The following LHX9 variants were observed in gnomAD, a reference collection of about 807,000 sequenced individuals.
LHX9 encodes LIM/homeobox protein Lhx9.
LHX9 carries 9 observed loss-of-function variants against 36.5 expected under a neutral mutation model. That is an observed-to-expected ratio of 0.25 (90% CI 0.15 to 0.43). The LOEUF (loss-of-function observed/expected upper bound fraction) is 0.43, where lower values mean the gene tolerates loss of function less well. Among genes scored for constraint, LHX9 ranks in the 20% least tolerant of loss-of-function variants. The pLI is 1.00. For missense variants in LHX9, 464 were observed against 526.4 expected (o/e 0.88, Z 1.16); for synonymous variants, 211 against 212.1 (o/e 0.99, Z 0.04).
chr1:197,922,251 A>C (rs1298015142), intron 3 of LHX9, among the ~76,000 whole-genome samples: 1 of 152,146 alleles, frequency 6.6e-6, no homozygotes, highest in Non-Finnish European at 1.5e-5. Context: ...CTAAGCCAGG[A>C]TATTCAACCA....
chr1:197,927,592 T>C lies in LHX9; in HGVS notation c.735T>C (p.Gly245=), dbSNP rs756176145. 10 of 1,613,898 alleles carry C rather than the reference T, an allele frequency of 6.2e-6. No individual in the cohort carries two copies. The Admixed American group carries it at 1.2e-4, about 19-fold the overall frequency. ...GTTTGTTCACTGTTACTGCAACAGGTTGTAATGAGAATGAGGCAGACCACT... is the reference window on the plus strand; with the variant it reads ...GTTTGTTCACTGTTACTGCAACAGGCTGTAATGAGAATGAGGCAGACCACT... The part of the protein sequence containing the change: ...LGVDIVNYNS[G]CNENEADHLD... Residue 245 remains glycine (G), a splice_region_variant and synonymous_variant, in exon 4 of 5, where the codon GGT becomes GGC. Transcript: ENST00000367387.
Position 197,921,594 on chromosome 1 carries a change from A to G in LHX9, c.668A>G (p.Gln223Arg). The part of the protein sequence containing the change: ...LPYFNGTGTV[Q>R]KGRPRKRKSP... ...TACTTCAACGGTACGGGCACCGTGC[A>G]GAAAGGGCGGCCCCGGAAGCGGAAG... The change falls in exon 3 of 5, where the codon CAG becomes CGG. Residue 223 changes from glutamine to arginine, a missense_variant. Gln to Arg is a conservative substitution (Grantham distance 43). Coordinates refer to ENST00000367387, the MANE Select transcript of LHX9 (RefSeq NM_020204.3). The surrounding 1 kb of genome is among the most constrained non-coding windows in gnomAD (Gnocchi z 4.6). The G allele has an allele frequency of 6.2e-7, 1 of 1,609,404 alleles. No homozygotes were observed. Among genetic ancestry groups the G allele is most frequent in the Non-Finnish European group, 8.5e-7 (1 of 1,179,012 alleles).
intron 3 of LHX9, among the ~76,000 whole-genome samples, chr1:197,926,113 T>A (rs965608270): frequency 2.6e-5 from 4 of 152,354 alleles, no homozygotes; most frequent in Non-Finnish European, 5.9e-5. Context: ...GCTGCCTTCT[T>A]GGGTGATGAC....
chr1:197,917,911 A>T lies in LHX9; in HGVS notation c.88A>T (p.Ile30Phe). 6.2e-7 allele frequency: 1 copy of T among 1,614,192 alleles called. No homozygotes were observed. Among genetic ancestry groups the T allele is most frequent in the South Asian group, 1.1e-5 (1 of 91,084 alleles). ...MLFHGISGGH[I>F]QGIMEEMERR... ...CTTTCACGGGATCTCCGGAGGCCAC[A>T]TCCAAGGCATCATGGAGGAGATGGA... Residue 30 changes from isoleucine (I) to phenylalanine (F), a missense_variant, in exon 1 of 5, where the codon ATC (isoleucine) becomes TTC (phenylalanine). This residue lies in a region of LHX9 where 119 missense variants were observed against 102.4 expected (regional missense o/e 1.16). Transcript: ENST00000367387.
Position 197,921,193 on chromosome 1 carries a change from A to G in LHX9, c.378-111A>G. On this transcript the variant is annotated intron_variant, in intron 2 of 4. Coordinates refer to ENST00000367387, the MANE Select transcript of LHX9 (RefSeq NM_020204.3). The surrounding 1 kb of genome is among the most constrained non-coding windows in gnomAD (Gnocchi z 4.6). ...ATGCCTACTCTCCTGTCCCCCTGGA[A>G]CCCTCCCAGGTCCCAGTCTCAGGCC... 2 of 767,286 alleles carry G rather than the reference A, an allele frequency of 2.6e-6. No individual in the cohort carries two copies. Among genetic ancestry groups the G allele is most frequent in the Non-Finnish European group, 4.2e-6 (2 of 481,684 alleles). The allele number at this position is 767,286 out of a possible 1,614,324, so 47.5% of individuals were successfully genotyped here. A position where few individuals can be genotyped will look rare whatever the true frequency, so the allele number is the denominator to read the frequency against.
chr1:197,919,437 A>G (rs188246064), intron 1 of LHX9, among the ~76,000 whole-genome samples: 6 of 152,348 alleles, frequency 3.9e-5, no homozygotes, highest in Admixed American at 1.3e-4. Context: ...ATATATCTCA[A>G]TCAAAACAAA....
upstream of LHX9, chr1:197,913,048 C>G (rs746398176): frequency 1.3e-4 from 21 of 157,820 alleles, no homozygotes; most frequent in Non-Finnish European, 2.8e-4. Context: ...TGCGCCTGAT[C>G]TCAGCGGACG....
intron 3 of LHX9, among the ~76,000 whole-genome samples, chr1:197,924,046 G>A (rs1265768366): frequency 2.0e-5 from 3 of 152,140 alleles, no homozygotes; most frequent in Non-Finnish European, 2.9e-5. Flanking sequence ...ATTATCTATG[G>A]GAATTGGTTT....
At chr1:197,916,791 A>T, upstream of LHX9, 1 of 702,948 alleles carries the variant, frequency 1.4e-6, no homozygotes, top group South Asian at 1.5e-5. Context: ...CTGCTTTTAA[A>T]AGTGGATTGA....
rs1659800806 is a variant in LHX9 at position 197,917,453 on chromosome 1, G to A, written c.-371G>A. On this transcript the variant is annotated 5_prime_UTR_variant, in exon 1 of 5. In the 5' UTR this introduces an upstream ATG that the reference lacks. Coordinates refer to ENST00000367387, the MANE Select transcript of LHX9 (RefSeq NM_020204.3). ...AAATAGCACGTCTTTTTCTTTCTTT[G>A]TGTTCAAAACTATTTTCTTTCTTCA... 1 of 1,324,892 alleles carries A rather than the reference G, an allele frequency of 7.5e-7. No homozygotes were observed. Among genetic ancestry groups the A allele is most frequent in the Non-Finnish European group, 1.0e-6 (1 of 1,003,134 alleles). 82.1% of individuals were successfully genotyped at this position (1,324,892 alleles called of 1,614,324 possible).
intron 3 of LHX9, among the ~76,000 whole-genome samples, chr1:197,927,076 CT>C (rs1382737107): frequency 6.6e-6 from 1 of 152,198 alleles, no homozygotes; most frequent in African/African-American, 2.4e-5. Flanking sequence ...AGTTGGTGGG[CT>C]CTCAGAAACT....
intron 3 of LHX9, among the ~76,000 whole-genome samples, chr1:197,924,635 T>C (rs1431661630): frequency 6.6e-6 from 1 of 152,192 alleles, no homozygotes; most frequent in Non-Finnish European, 1.5e-5. Context: ...TCTCAAAATA[T>C]CCTTTCCTTA....
At chr1:197,913,158 G>C (rs145390480), upstream of LHX9, 658 of 153,800 alleles carry the variant, frequency 4.3e-3, 3 homozygotes, top group South Asian at 0.011. Flanking sequence ...CTGTATTCTA[G>C]ACTTGGCGCA....
chr1:197,927,708 C>A lies in LHX9; in HGVS notation c.851C>A (p.Ser284Tyr). The change falls in exon 4 of 5, where the codon TCC (serine) becomes TAC (tyrosine). Residue 284 changes from serine (S) to tyrosine (Y), a missense_variant. Ser to Tyr is a moderately radical substitution (Grantham distance 144). Around this residue, in one of 5 missense-constraint regions of LHX9, gnomAD observed 20 missense variants for 67.0 expected, o/e 0.30. Transcript: ENST00000367387. ...CATCACCAGCTCCGGACCATGAAATCCTACTTTGCCATCAACCACAACCCG... is the reference window on the plus strand; with the variant it reads ...CATCACCAGCTCCGGACCATGAAATACTACTTTGCCATCAACCACAACCCG... ...FKHHQLRTMK[S>Y]YFAINHNPDA... 6.2e-7 allele frequency: 1 copy of A among 1,614,206 alleles called. No individual in the cohort carries two copies. The highest frequency in any genetic ancestry group is 8.5e-7 in the Non-Finnish European group (1 of 1,180,038).
At chr1:197,918,549 A>C in intron 1 of LHX9, 2 of 604,430 alleles carry the variant, frequency 3.3e-6, no homozygotes, top group Non-Finnish European at 5.9e-6. Context: ...TGGCATCCCG[A>C]CTCAGTCCCT....
chr1:197,914,101 C>G (rs1280745634), upstream of LHX9, among the ~76,000 whole-genome samples: 4 of 152,188 alleles, frequency 2.6e-5, no homozygotes, highest in Non-Finnish European at 5.9e-5. Flanking sequence ...TATAGTCCGG[C>G]CGTCCACTTT....
rs536298861 is a variant in LHX9, at chr1:197,923,435, GT to G, written c.733+1778del. 5.7e-3 allele frequency among the ~76,000 whole-genome samples: 867 copies of G among 151,398 alleles called. 11 individuals carry two copies. The highest frequency in any genetic ancestry group is 8.0e-3 in the Non-Finnish European group (546 of 67,884). On this transcript the variant is annotated intron_variant, in intron 3 of 4. Transcript: ENST00000367387. ...GGGCAGGGCAGGCAGGGCACTAATT[GT>G]TCTTTATTAATAGAAGGTGACATTG...
rs1295551171 is a variant in LHX9, at chr1:197,935,125, A to C, written c.*5866A>C. 1 of 152,052 alleles carries C rather than the reference A, an allele frequency of 6.6e-6. No individual in the cohort carries two copies. Among genetic ancestry groups the C allele is most frequent in the Non-Finnish European group, 1.5e-5 (1 of 67,996 alleles). 9.4% of individuals were successfully genotyped at this position (152,052 alleles called of 1,614,324 possible). A position where few individuals can be genotyped will look rare whatever the true frequency, so the allele number is the denominator to read the frequency against. ...GAATATGATAATGTCATCTAACATC[A>C]CTCCCTACTTGCAACATTCCTCTGT... On this transcript the variant is annotated 3_prime_UTR_variant, in exon 5 of 5. Coordinates refer to ENST00000367387, the MANE Select transcript of LHX9 (RefSeq NM_020204.3).
intron 2 of LHX9, among the ~76,000 whole-genome samples, chr1:197,920,841 A>C (rs1200076913): frequency 3.9e-5 from 6 of 152,124 alleles, no homozygotes; most frequent in Non-Finnish European, 8.8e-5. Context: ...AAAAAATAAT[A>C]ACCTTTCCTT....
Sources: gnomAD v4.1 joint callset for allele counts (sites outside exome capture counted in the v4.1 genomes callset) on GRCh38, gnomAD v4.1.1 for gene constraint, gnomAD v4.1.1 regional missense constraint, Gnocchi (gnomAD v3.1) non-coding constraint, MANE v1.5 for transcripts, NCBI Gene and HGNC (gene_info 2026-07-23, HGNC 2026-07-21) for gene names.